SGSM1: variants seen among roughly 807,000 people sequenced by gnomAD.
The protein encoded by SGSM1 is RUN and TBC1 domain containing 2.
SGSM1 carries 73 observed loss-of-function variants against 133.8 expected under a neutral mutation model. The ratio of observed to expected loss-of-function variants is 0.55; its 90% CI spans 0.45 to 0.66. The LOEUF is 0.66. Ranked by LOEUF, SGSM1 falls within the 30% of genes least tolerant of loss-of-function variation. The pLI, the probability that SGSM1 is intolerant of heterozygous loss-of-function variation, is 0.00. For missense variants in SGSM1, 1,213 were observed against 1,448.1 expected, an observed-to-expected ratio of 0.84 and a Z score of 2.64; for synonymous variants, 563 against 573.0, an observed-to-expected ratio of 0.98 and a Z score of 0.25.
intron 8 of SGSM1, chr22:24,855,981 C>G (rs1480847429): frequency 1.8e-6 from 1 of 559,866 alleles, no homozygotes; most frequent in East Asian, 3.9e-5. Context: ...ATCCACCCAT[C>G]TTTACATTCA....
chr22:24,905,974 C>T (rs1449444852), intron 21 of SGSM1, among the ~76,000 whole-genome samples: 1 of 151,966 alleles, frequency 6.6e-6, no homozygotes, highest in African/African-American at 2.4e-5. Context: ...AAGAAAACTA[C>T]ACACCAATAT....
In SGSM1 at chr22:24,868,207, A is replaced by G. The variant is rs940349158; in HGVS notation, c.995-169A>G. On this transcript the variant is annotated intron_variant, in intron 10 of 24. Coordinates refer to ENST00000400358, the MANE Select transcript of SGSM1 (RefSeq NM_001098497.3). ...ATGGTGGATGAGATGAGAGAGACTC[A>G]GGGGAGGTAAAAACTGCTCCTGACC... Among the ~76,000 whole-genome samples the G allele has an allele frequency of 2.6e-5, 4 of 152,228 alleles. No individual in the cohort carries two copies. The East Asian group carries it at 5.8e-4, about 22-fold the overall frequency.
chr22:24,920,911 T>A (rs1463050793), intron 24 of SGSM1, among the ~76,000 whole-genome samples: 1 of 152,198 alleles, frequency 6.6e-6, no homozygotes, highest in East Asian at 1.9e-4. Context: ...GAAATTATCA[T>A]TGGCACGTTA....
At chr22:24,806,917 A>G (rs911501748) in intron 2 of SGSM1, among the ~76,000 whole-genome samples, 1 of 152,182 alleles carries the variant, frequency 6.6e-6, no homozygotes, top group East Asian at 1.9e-4. Flanking sequence ...GCTTCAGGAA[A>G]AGGCAGAAGG....
At chr22:24,887,481 C>T (rs1221893010) in intron 16 of SGSM1, among the ~76,000 whole-genome samples, 1 of 152,140 alleles carries the variant, frequency 6.6e-6, no homozygotes, top group Non-Finnish European at 1.5e-5. Context: ...GCTGTAGCAC[C>T]TGTTGCTAGA....
intron 8 of SGSM1, among the ~76,000 whole-genome samples, chr22:24,856,901 T>C (rs373865349): frequency 1.6e-3 from 235 of 151,504 alleles, no homozygotes; most frequent in African/African-American, 5.5e-3. Flanking sequence ...CCCAAGTAAC[T>C]GGGACTACAG....
intron 12 of SGSM1, among the ~76,000 whole-genome samples, chr22:24,870,626 T>A (rs1348581114): frequency 6.6e-6 from 1 of 152,224 alleles, no homozygotes; most frequent in Non-Finnish European, 1.5e-5. Flanking sequence ...GCTATTCAGC[T>A]ACCAGCTGCA....
intron 16 of SGSM1, among the ~76,000 whole-genome samples, chr22:24,893,043 T>A (rs1240677394): frequency 1.4e-5 from 2 of 146,308 alleles, no homozygotes; most frequent in Non-Finnish European, 3.0e-5. Context: ...GACAGAGCCA[T>A]ACTCTGTCAA....
chr22:24,806,452 C>A lies in SGSM1; in HGVS notation c.31C>A (p.Arg11=), dbSNP rs1481119281. ...TTCTTGTCCCACAGAGGCGGAGACC[C>A]GACAGAGGCTGCTACGCACCGTCAA... MASAPAEAET[R]QRLLRTVKKE... Residue 11 remains arginine, a synonymous_variant, in exon 2 of 25, where the codon CGA becomes AGA. Coordinates refer to ENST00000400358, the MANE Select transcript of SGSM1 (RefSeq NM_001098497.3). 11 of 1,524,266 alleles carry A rather than the reference C, an allele frequency of 7.2e-6. No individual in the cohort carries two copies. Among genetic ancestry groups the A allele is most frequent in the Admixed American group, 2.1e-5 (1 of 48,260 alleles). The allele number at this position is 1,524,266 out of a possible 1,614,324, so 94.4% of individuals were successfully genotyped here. A position where few individuals can be genotyped will look rare whatever the true frequency, so the allele number is the denominator to read the frequency against.
rs1422536247 is a variant in SGSM1 at position 24,924,365 on chromosome 22, C to T, written c.*91C>T. On this transcript the variant is annotated 3_prime_UTR_variant, in exon 25 of 25. Transcript: ENST00000400358. ...CCTGGCTGGATGGGCACCCCGGGAG[C>T]GGGGTCCTGGTGTCTGTTCACAAGC... is the stretch of plus-strand genomic sequence containing the variant. 26 of 1,122,262 alleles carry T rather than the reference C, an allele frequency of 2.3e-5. No individual in the cohort carries two copies. The highest frequency in any genetic ancestry group is 2.6e-4 in the Middle Eastern group (1 of 3,824). The allele number at this position is 1,122,262 out of a possible 1,614,324, so 69.5% of individuals were successfully genotyped here. A position where few individuals can be genotyped will look rare whatever the true frequency, so the allele number is the denominator to read the frequency against.
intron 2 of SGSM1, among the ~76,000 whole-genome samples, chr22:24,838,522 C>G (rs1929603129): frequency 6.6e-6 from 1 of 152,172 alleles, no homozygotes; most frequent in African/African-American, 2.4e-5. Context: ...AGGACCTTCT[C>G]TGAGGAAGGA....
rs201677185 is a variant in SGSM1 at position 24,847,760 on chromosome 22, G to A, written c.266G>A (p.Arg89His). 9.1e-5 allele frequency: 147 copies of A among 1,613,732 alleles called. No individual in the cohort carries two copies. Among genetic ancestry groups the A allele is most frequent in the African/African-American group, 1.2e-4 (9 of 74,926 alleles). The change falls in exon 4 of 25, where the codon CGC becomes CAC. Residue 89 changes from arginine (R) to histidine (H), a missense_variant. Arg to His is a conservative substitution (Grantham distance 29). Coordinates refer to ENST00000400358, the MANE Select transcript of SGSM1 (RefSeq NM_001098497.3). ...KNFPPAEDLS[R>H]KVQDLEQLIE... ...TTCCCGCCGGCTGAGGATCTGAGCC[G>A]CAAGGTGCAAGACCTGGAGCAGCTG...
Position 24,850,276 on chromosome 22 carries a change from G to A in SGSM1, c.303-4G>A. On this transcript the variant is annotated splice_polypyrimidine_tract_variant and splice_region_variant and intron_variant, in intron 4 of 24. Transcript: ENST00000400358. ...TCTATTCCCGTCTTTTATTGGTCTT[G>A]AAGGAGAAACCAGATTCAAGGCCTC... 1 of 1,583,014 alleles carries A rather than the reference G, an allele frequency of 6.3e-7. No individual in the cohort carries two copies. Among genetic ancestry groups the A allele is most frequent in the South Asian group, 1.1e-5 (1 of 87,060 alleles).
At chr22:24,918,977 G>T (rs2123747648) in intron 23 of SGSM1, among the ~76,000 whole-genome samples, 1 of 150,608 alleles carries the variant, frequency 6.6e-6, no homozygotes, top group East Asian at 2.0e-4. Flanking sequence ...CTGACCTCAG[G>T]TGATCCACCC....
chr22:24,842,784 G>A (rs992911359), intron 2 of SGSM1, among the ~76,000 whole-genome samples: 1 of 152,234 alleles, frequency 6.6e-6, no homozygotes, highest in African/African-American at 2.4e-5. Context: ...CAGAGCTGAT[G>A]ACCTGCATGC....
At chr22:24,850,700 G>A (rs541125316) in intron 5 of SGSM1, among the ~76,000 whole-genome samples, 4 of 152,262 alleles carry the variant, frequency 2.6e-5, no homozygotes, top group East Asian at 3.9e-4. Context: ...CTAGAGAATC[G>A]CTTAGCCTCT....
chr22:24,871,350 A>G (rs908936032), intron 12 of SGSM1, among the ~76,000 whole-genome samples: 11 of 152,150 alleles, frequency 7.2e-5, no homozygotes, highest in African/African-American at 2.4e-4. Flanking sequence ...AGAATGGGGT[A>G]ACAGCAGTCC....
chr22:24,838,701 G>C (rs1281202134), intron 2 of SGSM1, among the ~76,000 whole-genome samples: 6 of 151,790 alleles, frequency 4.0e-5, no homozygotes, highest in African/African-American at 1.5e-4. Context: ...TTTTAGTTCT[G>C]GGCTCTCTAT....
intron 2 of SGSM1, among the ~76,000 whole-genome samples, chr22:24,823,044 A>G (rs1928573647): frequency 1.3e-5 from 2 of 152,186 alleles, no homozygotes; most frequent in Non-Finnish European, 2.9e-5. Context: ...TGCAGGAAAG[A>G]CAGTCCTGGA....
Sources: allele counts gnomAD v4.1 joint callset (sites outside exome capture counted in the v4.1 genomes callset), GRCh38; gene constraint gnomAD v4.1.1; transcripts MANE v1.5; gene names NCBI Gene and HGNC (gene_info 2026-07-23, HGNC 2026-07-21).